ZMAT4: variants seen among roughly 807,000 people sequenced by gnomAD.
ZMAT4 encodes zinc finger matrin-type protein 4.
A neutral mutation model predicts 28.7 loss-of-function variants in ZMAT4; 17 were observed. The ratio of observed to expected loss-of-function variants is 0.59; its 90% CI spans 0.41 to 0.89. ZMAT4 has a LOEUF of 0.89. Ranked by LOEUF, ZMAT4 falls within the 40% of genes least tolerant of loss-of-function variation. The pLI is 0.00. For missense variants in ZMAT4, 240 were observed against 283.8 expected, an observed-to-expected ratio of 0.85 and a Z score of 1.11; for synonymous variants, 117 against 109.2, an observed-to-expected ratio of 1.07 and a Z score of -0.44.
intron 5 of ZMAT4, among the ~76,000 whole-genome samples, chr8:40,660,088 C>T (rs748821372): frequency 5.9e-5 from 9 of 152,134 alleles, no homozygotes; most frequent in Non-Finnish European, 1.0e-4. Context: ...TTTCAGTAAA[C>T]ATATTATTTG....
At chr8:40,739,448 G>A (rs1369253005) in intron 3 of ZMAT4, among the ~76,000 whole-genome samples, 3 of 152,156 alleles carry the variant, frequency 2.0e-5, no homozygotes, top group African/African-American at 7.2e-5. Flanking sequence ...ATATTAAAGT[G>A]TGTAAGACAC....
intron 4 of ZMAT4, among the ~76,000 whole-genome samples, chr8:40,687,359 C>T (rs960075640): frequency 6.6e-6 from 1 of 152,136 alleles, no homozygotes; most frequent in African/African-American, 2.4e-5. Context: ...GCCATGCTGA[C>T]TGTCCCGGGG....
intron 2 of ZMAT4, among the ~76,000 whole-genome samples, chr8:40,820,861 T>C (rs1355344341): frequency 2.6e-5 from 1 of 37,868 alleles, no homozygotes; most frequent in Admixed American, 2.0e-4. Context: ...TTATGTGTGT[T>C]TGTGTGTTTA....
chr8:40,835,838 C>A (rs1190529495), intron 1 of ZMAT4, among the ~76,000 whole-genome samples: 1 of 152,208 alleles, frequency 6.6e-6, no homozygotes. Context: ...TAGTTCCCTT[C>A]TCCTCTACCG....
chr8:40,604,150 T>A (rs1192691771), intron 5 of ZMAT4, among the ~76,000 whole-genome samples: 1 of 152,184 alleles, frequency 6.6e-6, no homozygotes, highest in African/African-American at 2.4e-5. Context: ...AGGTATACAA[T>A]CCTATCGTCA....
rs115413304 is a variant in ZMAT4 at position 40,831,157 on chromosome 8, G to A, written c.-4-5477C>T. 6.0e-3 allele frequency among the ~76,000 whole-genome samples: 909 copies of A among 152,146 alleles called. 5 individuals are homozygous for A. The highest frequency in any genetic ancestry group is 0.021 in the African/African-American group (860 of 41,480). ...ATTGCTATTATAGTCTTTCTCTTTT[G>A]TATCAACAATACCATCCACAAAGAT... On this transcript the variant is annotated intron_variant, in intron 1 of 6. Coordinates refer to ENST00000297737, the MANE Select transcript of ZMAT4 (RefSeq NM_024645.3).
chr8:40,861,721 A>G (rs1419306312), intron 1 of ZMAT4, among the ~76,000 whole-genome samples: 1 of 152,220 alleles, frequency 6.6e-6, no homozygotes, highest in African/African-American at 2.4e-5. Flanking sequence ...ACAAATTTAC[A>G]AGAAAAAAAC....
intron 4 of ZMAT4, among the ~76,000 whole-genome samples, chr8:40,676,772 C>T (rs1460947077): frequency 6.6e-6 from 1 of 152,122 alleles, no homozygotes; most frequent in Non-Finnish European, 1.5e-5. Flanking sequence ...GACTCACAAA[C>T]AGTACGCCCC....
intron 3 of ZMAT4, among the ~76,000 whole-genome samples, chr8:40,766,794 T>G (rs1468201318): frequency 6.6e-6 from 1 of 152,234 alleles, no homozygotes; most frequent in African/African-American, 2.4e-5. Flanking sequence ...TAAAGTTTCT[T>G]CAGTGATCAT....
chr8:40,677,814 T>C (rs1458039554), intron 4 of ZMAT4, among the ~76,000 whole-genome samples: 7 of 152,238 alleles, frequency 4.6e-5, no homozygotes, highest in African/African-American at 1.7e-4. Context: ...TTAATTTCTA[T>C]TTTGATTTCA....
At chr8:40,582,787 G>A (rs117503643) in intron 5 of ZMAT4, among the ~76,000 whole-genome samples, 2,926 of 152,278 alleles carry the variant, frequency 0.019, 43 homozygotes, top group Middle Eastern at 0.027. Flanking sequence ...GTATGTGAGA[G>A]TGCCCAGCAC....
chr8:40,821,860 G>A (rs1298398589), intron 2 of ZMAT4, among the ~76,000 whole-genome samples: 1 of 152,046 alleles, frequency 6.6e-6, no homozygotes, highest in African/African-American at 2.4e-5. Context: ...ATGATGCCAG[G>A]GTAGCCCTCT....
At chr8:40,785,003 A>G (rs1394049731) in intron 2 of ZMAT4, among the ~76,000 whole-genome samples, 1 of 152,262 alleles carries the variant, frequency 6.6e-6, no homozygotes, top group African/African-American at 2.4e-5. Flanking sequence ...TTCTGACTTC[A>G]GAGACTAAAG....
At chr8:40,796,572 A>G (rs1331033261) in intron 2 of ZMAT4, among the ~76,000 whole-genome samples, 2 of 152,150 alleles carry the variant, frequency 1.3e-5, no homozygotes, top group Non-Finnish European at 1.5e-5. Context: ...AAAAGAAAGA[A>G]AGAAAGAAAA....
intron 3 of ZMAT4, among the ~76,000 whole-genome samples, chr8:40,743,855 G>C (rs917404173): frequency 1.7e-4 from 26 of 152,156 alleles, no homozygotes; most frequent in Admixed American, 1.4e-3. Context: ...GATTCTGGCT[G>C]TGGAGCCACA....
At chr8:40,735,216 C>T (rs1407039159) in intron 3 of ZMAT4, among the ~76,000 whole-genome samples, 3 of 152,138 alleles carry the variant, frequency 2.0e-5, no homozygotes, top group South Asian at 4.1e-4. Context: ...AATACATCTG[C>T]AAAGTAAGAC....
intron 2 of ZMAT4, among the ~76,000 whole-genome samples, chr8:40,823,260 C>T (rs1384805722): frequency 1.3e-5 from 2 of 151,868 alleles, no homozygotes; most frequent in African/African-American, 2.4e-5. Context: ...TACAAATGAA[C>T]ACAAAAAGTC....
At chr8:40,637,013 G>GA (rs1302588015) in intron 5 of ZMAT4, among the ~76,000 whole-genome samples, 3 of 150,504 alleles carry the variant, frequency 2.0e-5, no homozygotes, top group East Asian at 2.0e-4. Flanking sequence ...TAGTTCCTGG[G>GA]AAAAAATAAT....
chr8:40,554,156 C>T (rs1430937255), intron 6 of ZMAT4, among the ~76,000 whole-genome samples: 1 of 152,102 alleles, frequency 6.6e-6, no homozygotes. Context: ...TATAAGGTGA[C>T]ATTATCCCTA....
Sources: allele counts gnomAD v4.1 joint callset (sites outside exome capture counted in the v4.1 genomes callset), GRCh38; gene constraint gnomAD v4.1.1; transcripts MANE v1.5; gene names NCBI Gene and HGNC (gene_info 2026-07-23, HGNC 2026-07-21).